The following IMMP2L variants were observed in gnomAD, a reference collection of about 807,000 sequenced individuals.
The protein encoded by IMMP2L is inner mitochondrial membrane peptidase subunit 2.
IMMP2L carries 18 observed loss-of-function variants against 19.3 expected under a neutral mutation model. The ratio of observed to expected loss-of-function variants is 0.93; its 90% CI spans 0.64 to 1.38. The LOEUF (loss-of-function observed/expected upper bound fraction) is 1.38, where lower values mean the gene tolerates loss of function less well. Among genes scored for constraint, IMMP2L ranks in the 40% most tolerant of loss-of-function variants. IMMP2L has a pLI of 0.00. For missense variants in IMMP2L, 233 were observed against 218.2 expected (o/e 1.07, Z -0.43); for synonymous variants, 76 against 73.0 (o/e 1.04, Z -0.21).
At chr7:111,238,374 C>A (rs1814592853) in intron 3 of IMMP2L, among the ~76,000 whole-genome samples, 1 of 151,998 alleles carries the variant, frequency 6.6e-6, no homozygotes, top group African/African-American at 2.4e-5. Context: ...TTGACCCTAT[C>A]TGTAAAGTGA....
At chr7:110,963,381 A>G in intron 4 of IMMP2L, 119 bp downstream of exon 4, 1 of 669,332 alleles carries the variant, frequency 1.5e-6, no homozygotes, top group Admixed American at 3.0e-5. Flanking sequence ...GTACCAGCTC[A>G]TTTGGAATGT....
intron 3 of IMMP2L, among the ~76,000 whole-genome samples, chr7:111,382,410 G>T (rs1488492510): frequency 2.0e-5 from 3 of 151,950 alleles, no homozygotes; most frequent in Admixed American, 6.6e-5. Flanking sequence ...CTTCATGAAG[G>T]CGATCCCAAT....
chr7:110,832,430 T>C (rs993477465), intron 5 of IMMP2L, among the ~76,000 whole-genome samples: 9 of 152,152 alleles, frequency 5.9e-5, no homozygotes, highest in African/African-American at 2.2e-4. Context: ...GACACATTCC[T>C]TCTCTTCTAG....
chr7:111,080,027 AAT>A (rs869091235), intron 3 of IMMP2L, among the ~76,000 whole-genome samples: 56 of 70,600 alleles, frequency 7.9e-4, no homozygotes, highest in Non-Finnish European at 1.3e-3. Flanking sequence ...CAAAAAAAAA[AAT>A]GTCATTTCTT....
intron 3 of IMMP2L, among the ~76,000 whole-genome samples, chr7:111,402,448 C>A (rs548700133): frequency 5.9e-5 from 9 of 151,952 alleles, no homozygotes; most frequent in African/African-American, 2.2e-4. Flanking sequence ...CGGTGGCTCA[C>A]GCATGCAATC....
chr7:111,547,151 T>G (rs1271150971), intron 1 of IMMP2L, among the ~76,000 whole-genome samples: 1 of 152,202 alleles, frequency 6.6e-6, no homozygotes. Context: ...AATCTTGAGT[T>G]TAACCAGCAC....
At position 110,760,822 on chromosome 7, in the gene IMMP2L, A is replaced by T. The variant is rs757866936; in HGVS notation, c.409-97101T>A. ...TTACTACAAGTGTAGAACGCCAGAT[A>T]GGATCATCACAGTAGGCACCTCACA... On this transcript the variant is annotated intron_variant, in intron 5 of 5. Transcript: ENST00000405709. This position sits in a 1 kb window ranked among gnomAD's most constrained non-coding sequence, Gnocchi z 4.2. Among the ~76,000 whole-genome samples, 1 of 152,070 alleles carries T rather than the reference A, an allele frequency of 6.6e-6. No individual in the cohort carries two copies. The highest frequency in any genetic ancestry group is 1.5e-5 in the Non-Finnish European group (1 of 68,002).
chr7:110,955,955 G>T (rs79850819), intron 4 of IMMP2L, among the ~76,000 whole-genome samples: 13 of 151,758 alleles, frequency 8.6e-5, no homozygotes, highest in African/African-American at 3.1e-4. Context: ...TATTAAACAA[G>T]CATCATTTGT....
intron 1 of IMMP2L, among the ~76,000 whole-genome samples, chr7:111,539,213 A>G (rs1300243312): frequency 0.016 from 1,282 of 80,504 alleles, 98 homozygotes; most frequent in East Asian, 0.019. Context: ...AAAGAAAGAA[A>G]GAAAGAAAGA....
chr7:111,291,706 T>A (rs1198477789), intron 3 of IMMP2L, among the ~76,000 whole-genome samples: 1 of 152,118 alleles, frequency 6.6e-6, no homozygotes, highest in Non-Finnish European at 1.5e-5. Flanking sequence ...CTATAATAAA[T>A]AATAATGCAT....
At chr7:111,064,164 G>A (rs566627264) in intron 3 of IMMP2L, among the ~76,000 whole-genome samples, 11 of 152,276 alleles carry the variant, frequency 7.2e-5, no homozygotes, top group South Asian at 6.2e-4. Context: ...GGCGGCAGAC[G>A]AGAAGAGAGC....
At chr7:110,903,189 G>C (rs1563068525) in intron 4 of IMMP2L, among the ~76,000 whole-genome samples, 1 of 152,090 alleles carries the variant, frequency 6.6e-6, no homozygotes, top group Admixed American at 6.6e-5. Context: ...TGATTACGGG[G>C]CAATATTTGA....
At position 110,777,760 on chromosome 7, in the gene IMMP2L, A is replaced by G. The variant is rs567582640; in HGVS notation, c.408+108833T>C. On this transcript the variant is annotated intron_variant, in intron 5 of 5. Coordinates refer to ENST00000405709, the MANE Select transcript of IMMP2L (RefSeq NM_032549.4). ...TCAAAATTTCCATATTGACAGTTAC[A>G]AGGGAGAAAATCTTAACGCCAAATA... 3.9e-5 allele frequency among the ~76,000 whole-genome samples: 6 copies of G among 152,136 alleles called. No individual in the cohort carries two copies. In the South Asian group the frequency reaches 6.2e-4, roughly 16 times the overall value.
At chr7:110,952,145 G>GA (rs754650465) in intron 4 of IMMP2L, among the ~76,000 whole-genome samples, 50 of 151,420 alleles carry the variant, frequency 3.3e-4, no homozygotes, top group Admixed American at 2.6e-4. Context: ...CATTGACAGA[G>GA]AAAAAAAACA....
chr7:111,374,836 C>T (rs1034430167), intron 3 of IMMP2L, among the ~76,000 whole-genome samples: 1 of 152,124 alleles, frequency 6.6e-6, no homozygotes, highest in Non-Finnish European at 1.5e-5. Flanking sequence ...ATGTTAGCTA[C>T]AGCTATCACA....
At chr7:110,845,605 C>G (rs1414636680) in intron 5 of IMMP2L, among the ~76,000 whole-genome samples, 2 of 152,148 alleles carry the variant, frequency 1.3e-5, no homozygotes, top group African/African-American at 4.8e-5. Flanking sequence ...CCAACTGATT[C>G]TTCTTAGTAG....
At chr7:111,448,231 C>G (rs1173367873) in intron 3 of IMMP2L, among the ~76,000 whole-genome samples, 1 of 121,784 alleles carries the variant, frequency 8.2e-6, no homozygotes, top group Non-Finnish European at 1.6e-5. Context: ...ACAGAACTCT[C>G]CACCCCAAAT....
chr7:111,363,327 A>G (rs574600565), intron 3 of IMMP2L, among the ~76,000 whole-genome samples: 1 of 152,096 alleles, frequency 6.6e-6, no homozygotes, highest in Non-Finnish European at 1.5e-5. Flanking sequence ...ATCAGAATCT[A>G]ATTTTAACAA....
At chr7:111,016,056 T>C (rs1024400323) in intron 3 of IMMP2L, among the ~76,000 whole-genome samples, 3 of 152,116 alleles carry the variant, frequency 2.0e-5, no homozygotes, top group Admixed American at 6.6e-5. Flanking sequence ...AATGGCATAA[T>C]GCCAGAAAAT....
Sources: allele counts gnomAD v4.1 joint callset (sites outside exome capture counted in the v4.1 genomes callset), GRCh38; gene constraint gnomAD v4.1.1; non-coding constraint Gnocchi (gnomAD v3.1); transcripts MANE v1.5; gene names NCBI Gene and HGNC (gene_info 2026-07-23, HGNC 2026-07-21).